CETP: variants seen among roughly 807,000 people sequenced by gnomAD.
The protein encoded by CETP is BPI fold containing family F.
Under a neutral mutation model 66.5 loss-of-function variants are expected in CETP, and 56 were observed. The ratio of observed to expected loss-of-function variants is 0.84; its 90% CI spans 0.68 to 1.05. The LOEUF (loss-of-function observed/expected upper bound fraction) is 1.05. Among genes scored for constraint, CETP ranks in the 50% least tolerant of loss-of-function variants. The pLI is 0.00. For synonymous variants in CETP, 251 were observed against 245.7 expected (o/e 1.02, Z -0.20); for missense variants, 612 against 609.6 (o/e 1.00, Z -0.04).
chr16:56,963,199 C>T (rs1406121098), intron 2 of CETP, 75 bp downstream of exon 2: 10 of 1,222,456 alleles, frequency 8.2e-6, no homozygotes, highest in Non-Finnish European at 1.2e-5. Context: ...GCCCCCAGCC[C>T]ACAGGGAGGA....
At chr16:56,970,128 C>T in intron 5 of CETP, 127 bp downstream of exon 5, 5 of 808,562 alleles carry the variant, frequency 6.2e-6, no homozygotes, top group Non-Finnish European at 8.3e-6. Flanking sequence ...GGCAGCAATA[C>T]CTTCAGTGGG....
chr16:56,981,057 C>G, intron 11 of CETP, 101 bp from the exon 12 acceptor site: 1 of 879,482 alleles, frequency 1.1e-6, no homozygotes, highest in Non-Finnish European at 1.9e-6. Context: ...CCTTGCCTCT[C>G]CAGTCCCTCA....
chr16:56,967,566 A>C (rs1232011963), intron 2 of CETP, among the ~76,000 whole-genome samples: 5 of 150,684 alleles, frequency 3.3e-5, no homozygotes, highest in Non-Finnish European at 5.9e-5. Context: ...GAGGCAGGAG[A>C]ATCACTTGAA....
In CETP at chr16:56,973,775, G is replaced by A. The variant is rs192074122; in HGVS notation, c.930+265G>A. On this transcript the variant is annotated intron_variant, in intron 9 of 15. Coordinates refer to ENST00000200676, the MANE Select transcript of CETP (RefSeq NM_000078.3). ...AAAGAAGGAAAGAGTTTATTCAGCC[G>A]GGAGCATGGGTAAGACTCCTGTCTC... Among the ~76,000 whole-genome samples the A allele has an allele frequency of 3.8e-3, 575 of 152,340 alleles. 1 individual carries two copies. Among genetic ancestry groups the A allele is most frequent in the Non-Finnish European group, 6.6e-3 (452 of 68,032 alleles).
intron 8 of CETP, among the ~76,000 whole-genome samples, chr16:56,972,387 GCC>G (rs67114203): frequency 2.6e-4 from 40 of 152,052 alleles, no homozygotes; most frequent in Non-Finnish European, 4.7e-4. Flanking sequence ...GTGGATTGTG[GCC>G]CCCCCCCAGG....
At chr16:56,977,706 T>G (rs916428784) in intron 10 of CETP, among the ~76,000 whole-genome samples, 20 of 151,898 alleles carry the variant, frequency 1.3e-4, no homozygotes, top group African/African-American at 4.8e-4. Context: ...AGGGTTACCA[T>G]GCAGTAGGTC....
chr16:56,963,744 G>C (rs7194225), intron 2 of CETP, among the ~76,000 whole-genome samples: 14,023 of 149,536 alleles, frequency 0.094, 686 homozygotes, highest in African/African-American at 0.14. Context: ...ATCTCAGCTC[G>C]TTGCAACCTC....
At chr16:56,975,439 A>G (rs973020816) in intron 10 of CETP, among the ~76,000 whole-genome samples, 2 of 152,186 alleles carry the variant, frequency 1.3e-5, no homozygotes, top group African/African-American at 4.8e-5. Flanking sequence ...GCCCCCAAAG[A>G]TAAGGCTCCA....
chr16:56,982,468 G>A (rs757239931), intron 14 of CETP, among the ~76,000 whole-genome samples: 6 of 152,206 alleles, frequency 3.9e-5, no homozygotes, highest in East Asian at 1.9e-4. Flanking sequence ...TTGCCACCCC[G>A]CGGGATGGCT....
At chr16:56,982,582 A>T (rs1334654222) in intron 14 of CETP, among the ~76,000 whole-genome samples, 1 of 152,200 alleles carries the variant, frequency 6.6e-6, no homozygotes, top group Non-Finnish European at 1.5e-5. Flanking sequence ...CCTGAACCTC[A>T]GTTTCCCTTT....
chr16:56,969,464 G>A lies in CETP; in HGVS notation c.312G>A (p.Gln104=), dbSNP rs147740993. ...VEAKSIDVSI[Q]NVSVVFKGTL... ...CCAAGTCCATTGATGTCTCCATTCA[G>A]AACGTGTCTGTGGTCTTCAAGGGGA... Residue 104 remains glutamine (Q), a synonymous_variant, in exon 3 of 16, where the codon CAG becomes CAA. Coordinates refer to ENST00000200676, the MANE Select transcript of CETP (RefSeq NM_000078.3). 138 of 1,614,078 alleles carry A rather than the reference G, an allele frequency of 8.5e-5. No homozygotes were observed. The highest frequency in any genetic ancestry group is 1.1e-4 in the Non-Finnish European group (132 of 1,180,048).
chr16:56,963,265 C>A (rs1461845960), intron 2 of CETP, 141 bp downstream of exon 2: 4 of 701,354 alleles, frequency 5.7e-6, no homozygotes, highest in Admixed American at 2.0e-5. Flanking sequence ...CAGAGCCTGA[C>A]ACCTTCCCTA....
At position 56,981,151 on chromosome 16, in the gene CETP, TC is replaced by T; in HGVS notation, c.1147-3del. On this transcript the variant is annotated splice_polypyrimidine_tract_variant and splice_region_variant and intron_variant, in intron 11 of 15. Coordinates refer to ENST00000200676, the MANE Select transcript of CETP (RefSeq NM_000078.3). ...TGGCTCACAGCAAATTTGGTTTCTC[TC>T]CCCAGGATATCGTGACTACCGTCCA... is the stretch of plus-strand genomic sequence containing the variant. 1 of 1,611,966 alleles carries T rather than the reference TC, an allele frequency of 6.2e-7. No individual in the cohort carries two copies. Among genetic ancestry groups the T allele is most frequent in the Non-Finnish European group, 8.5e-7 (1 of 1,178,134 alleles).
intron 11 of CETP, 73 bp downstream of exon 11, chr16:56,978,328 G>T: frequency 6.3e-7 from 1 of 1,586,496 alleles, no homozygotes; most frequent in Non-Finnish European, 8.6e-7. Flanking sequence ...GCAGGGGCCT[G>T]GGGGTCTCTG....
intron 10 of CETP, 106 bp from the exon 11 acceptor site, chr16:56,977,985 A>C: frequency 7.0e-7 from 1 of 1,425,216 alleles, no homozygotes; most frequent in Non-Finnish European, 9.5e-7. Flanking sequence ...CCTTTTCCCC[A>C]GCCCTGGGGC....
chr16:56,979,619 G>A (rs567612514), intron 11 of CETP, among the ~76,000 whole-genome samples: 85 of 151,322 alleles, frequency 5.6e-4, no homozygotes, highest in East Asian at 7.8e-4. Flanking sequence ...CAAGCGATTC[G>A]CGTGCCTCAG....
intron 1 of CETP, 84 bp from the exon 2 acceptor site, chr16:56,962,926 G>A: frequency 8.4e-7 from 1 of 1,193,182 alleles, no homozygotes; most frequent in South Asian, 1.2e-5. Flanking sequence ...CAGAGAGGCT[G>A]AGTCATGGCC....
intron 2 of CETP, among the ~76,000 whole-genome samples, chr16:56,966,228 C>G (rs1208717579): frequency 6.6e-6 from 1 of 152,168 alleles, no homozygotes; most frequent in Non-Finnish European, 1.5e-5. Flanking sequence ...GAATTAATTC[C>G]CTCGCTTTCT....
At chr16:56,965,899 A>T (rs1303968126) in intron 2 of CETP, among the ~76,000 whole-genome samples, 2 of 151,920 alleles carry the variant, frequency 1.3e-5, no homozygotes, top group African/African-American at 4.8e-5. Context: ...TGCTGTACCT[A>T]CACCAAGACC....
Sources: gnomAD v4.1 joint callset for allele counts (sites outside exome capture counted in the v4.1 genomes callset) on GRCh38, gnomAD v4.1.1 for gene constraint, MANE v1.5 for transcripts, NCBI Gene and HGNC (gene_info 2026-07-23, HGNC 2026-07-21) for gene names.